The following GK variants were observed in gnomAD, a reference collection of about 807,000 sequenced individuals.
GK encodes ATP:glycerol 3-phosphotransferase.
GK carries 9 observed loss-of-function variants against 56.4 expected under a neutral mutation model. The observed-to-expected ratio is 0.16, with a 90% CI of 0.10 to 0.28. The LOEUF (loss-of-function observed/expected upper bound fraction) is 0.28, where lower values mean the gene tolerates loss of function less well. Among genes scored for constraint, GK ranks in the 10% least tolerant of loss-of-function variants. GK has a pLI of 1.00. For synonymous variants in GK, 104 were observed against 144.1 expected, an observed-to-expected ratio of 0.72 and a Z score of 1.99; for missense variants, 161 against 431.4, an observed-to-expected ratio of 0.37 and a Z score of 5.55.
At chrX:30,676,110 A>T (rs1016469593) in intron 3 of GK, among the ~76,000 whole-genome samples, 30 of 111,098 alleles carry the variant, frequency 2.7e-4, no homozygotes, top group African/African-American at 9.5e-4. Context: ...ATTTTTAAAA[A>T]TTTTTTTATA....
At chrX:30,669,144 G>A (rs1324291288) in intron 3 of GK, among the ~76,000 whole-genome samples, 5 of 109,245 alleles carry the variant, frequency 4.6e-5, no homozygotes, top group African/African-American at 1.7e-4. Flanking sequence ...TTGCTTGAGG[G>A]TGTTAGATTG....
At position 30,730,444 on chromosome X, in the gene GK, A is replaced by G. The variant is rs997273128; in HGVS notation, c.*1702A>G. The G allele has an allele frequency of 1.8e-5, 2 of 112,088 alleles. No homozygotes were observed. Among genetic ancestry groups the G allele is most frequent in the African/African-American group, 6.5e-5 (2 of 30,845 alleles). The allele number at this position is 112,088 out of a possible 1,213,427, so 9.2% of individuals were successfully genotyped here. On this transcript the variant is annotated 3_prime_UTR_variant, in exon 21 of 21. Transcript: ENST00000427190. Reference sequence around the variant, plus strand: ...TACTTTTAAACATAAATGTTTCTACAAAAGTAGGTTGAGTTCATTGTAAAT... The same window carrying G: ...TACTTTTAAACATAAATGTTTCTACGAAAGTAGGTTGAGTTCATTGTAAAT...
chrX:30,668,325 A>G (rs1933224115), intron 3 of GK, among the ~76,000 whole-genome samples: 1 of 112,529 alleles, frequency 8.9e-6, no homozygotes, highest in Non-Finnish European at 1.9e-5. Flanking sequence ...GCAGAAAAAT[A>G]TAATTTCAAA....
At chrX:30,699,514 G>A (rs1935527366) in intron 9 of GK, among the ~76,000 whole-genome samples, 1 of 106,526 alleles carries the variant, frequency 9.4e-6, no homozygotes, top group Non-Finnish European at 1.9e-5. Flanking sequence ...ACAGGTACCC[G>A]CCATCATGCC....
chrX:30,675,850 C>G (rs1030240616), intron 3 of GK, among the ~76,000 whole-genome samples: 1 of 110,262 alleles, frequency 9.1e-6, no homozygotes, highest in Non-Finnish European at 1.9e-5. Context: ...AGGGCAATGG[C>G]GCAATCTCGG....
intron 4 of GK, among the ~76,000 whole-genome samples, chrX:30,678,827 C>T (rs1318697105): frequency 9.6e-6 from 1 of 103,822 alleles, no homozygotes; most frequent in African/African-American, 3.5e-5. Context: ...GATGGGATCA[C>T]AGGCGCCCAC....
chrX:30,704,088 C>T (rs1935844839), intron 11 of GK, among the ~76,000 whole-genome samples: 1 of 97,462 alleles, frequency 1.0e-5, no homozygotes. Flanking sequence ...GTAGCAGGCA[C>T]GGGGATGGAG....
chrX:30,671,449 A>G (rs990132078), intron 3 of GK, among the ~76,000 whole-genome samples: 28 of 111,575 alleles, frequency 2.5e-4, no homozygotes, highest in African/African-American at 8.8e-4. Context: ...TGACTCCTAG[A>G]CCAGAGTTCT....
intron 1 of GK, among the ~76,000 whole-genome samples, chrX:30,657,208 G>A (rs185756818): frequency 3.6e-5 from 4 of 112,616 alleles, no homozygotes; most frequent in East Asian, 5.5e-4. Flanking sequence ...TCTTGGGTAC[G>A]TTTGGTTACT....
intron 9 of GK, among the ~76,000 whole-genome samples, chrX:30,699,436 G>A (rs1935522493): frequency 9.9e-6 from 1 of 101,096 alleles, no homozygotes; most frequent in African/African-American, 3.6e-5. Context: ...CATGATCTTG[G>A]CTCACTGCAA....
At chrX:30,653,770 G>A (rs1309148749) in intron 1 of GK, among the ~76,000 whole-genome samples, 155 bp downstream of exon 1, 1 of 112,467 alleles carries the variant, frequency 8.9e-6, no homozygotes, top group East Asian at 2.8e-4. Context: ...CCACACTGGG[G>A]ATGCCCCAGC....
At chrX:30,686,852 C>T (rs908901955) in intron 4 of GK, among the ~76,000 whole-genome samples, 3 of 111,463 alleles carry the variant, frequency 2.7e-5, no homozygotes, top group Admixed American at 9.6e-5. Flanking sequence ...TTTACTTCTG[C>T]TTTACTTGGT....
intron 1 of GK, among the ~76,000 whole-genome samples, chrX:30,662,271 GTTTCTT>G (rs896969749): frequency 4.4e-5 from 5 of 112,373 alleles, no homozygotes; most frequent in African/African-American, 1.6e-4. Context: ...AATTTCATAT[GTTTCTT>G]TTTATTTTTT....
intron 1 of GK, among the ~76,000 whole-genome samples, chrX:30,657,207 C>T (rs983059726): frequency 1.8e-5 from 2 of 112,509 alleles, no homozygotes; most frequent in South Asian, 3.6e-4. Flanking sequence ...TTCTTGGGTA[C>T]GTTTGGTTAC....
intron 4 of GK, among the ~76,000 whole-genome samples, chrX:30,682,968 C>T (rs1020553346): frequency 1.3e-4 from 14 of 109,649 alleles, no homozygotes; most frequent in African/African-American, 4.7e-4. Flanking sequence ...GAGGGCTCCA[C>T]CCTCATGGCC....
At chrX:30,655,651 C>T (rs1601859315) in intron 1 of GK, among the ~76,000 whole-genome samples, 1 of 112,424 alleles carries the variant, frequency 8.9e-6, no homozygotes, top group African/African-American at 3.2e-5. Context: ...TATTTCATAA[C>T]TTTGTAGGCT....
intron 19 of GK, among the ~76,000 whole-genome samples, chrX:30,726,319 C>T (rs1344094779): frequency 9.9e-6 from 1 of 100,612 alleles, no homozygotes; most frequent in Non-Finnish European, 2.0e-5. Context: ...TGGAGTTTCG[C>T]TCTTGTTGCC....
intron 4 of GK, chrX:30,689,604 C>A (rs919462430): frequency 6.1e-6 from 2 of 329,789 alleles, no homozygotes; most frequent in Non-Finnish European, 1.2e-5. Context: ...ATGAGGGCAG[C>A]AGGCCCAAGC....
intron 13 of GK, among the ~76,000 whole-genome samples, chrX:30,712,017 GAA>G (rs1156798899): frequency 2.7e-5 from 3 of 112,124 alleles, no homozygotes; most frequent in Non-Finnish European, 5.6e-5. Flanking sequence ...AAATATAAAA[GAA>G]AAGAGAGAGA....
Sources: gnomAD v4.1 joint callset for allele counts (sites outside exome capture counted in the v4.1 genomes callset) on GRCh38, gnomAD v4.1.1 for gene constraint, MANE v1.5 for transcripts, NCBI Gene and HGNC (gene_info 2026-07-23, HGNC 2026-07-21) for gene names.